Variants in CNTN4 observed in about 807,000 individuals in gnomAD.
CNTN4 encodes the protein contactin-4.
In CNTN4, 77 loss-of-function variants were observed where a neutral mutation model predicts 122.5. The ratio of observed to expected loss-of-function variants is 0.63; its 90% confidence interval spans 0.52 to 0.76. The LOEUF (loss-of-function observed/expected upper bound fraction) is 0.76, where lower values mean the gene tolerates loss of function less well. CNTN4 is among the 30% of genes least tolerant of loss of function. The probability of loss-of-function intolerance (pLI) is 0.00; values close to 1 mark genes in which losing one functional copy is unlikely to be tolerated. For missense variants in CNTN4, 1,256 were observed against 1,259.1 expected (o/e 1.00, Z 0.04); for synonymous variants, 512 against 447.0 (o/e 1.15, Z -1.83).
At chr3:2,192,868 C>T (rs73807015) in intron 2 of CNTN4, among the ~76,000 whole-genome samples, 4,399 of 152,128 alleles carry the variant, frequency 0.029, 234 homozygotes, top group African/African-American at 0.1. Context: ...TTGTCATGGG[C>T]GACATGGTGT....
At chr3:2,765,311 C>G (rs1417306432) in intron 6 of CNTN4, among the ~76,000 whole-genome samples, 1 of 152,144 alleles carries the variant, frequency 6.6e-6, no homozygotes, top group Non-Finnish European at 1.5e-5. Flanking sequence ...AAGATGCTAA[C>G]GAAGTCAGGA....
chr3:2,729,908 C>A (rs1026019737), intron 4 of CNTN4, among the ~76,000 whole-genome samples: 4 of 152,072 alleles, frequency 2.6e-5, no homozygotes, highest in Admixed American at 2.0e-4. Context: ...AGGGAGACCC[C>A]ATCTCAAAAA....
At chr3:2,629,694 G>C (rs2150021482) in intron 4 of CNTN4, 1 of 324,880 alleles carries the variant, frequency 3.1e-6, no homozygotes, top group Admixed American at 4.1e-5. Context: ...CATCTCTCTA[G>C]CTTTTGTCAT....
chr3:2,981,943 C>T (rs1349632058), intron 13 of CNTN4, among the ~76,000 whole-genome samples: 1 of 151,898 alleles, frequency 6.6e-6, no homozygotes, highest in Non-Finnish European at 1.5e-5. Context: ...GAGGCTGAGG[C>T]GAGAGAATCG....
At chr3:2,467,681 T>C (rs939276936) in intron 3 of CNTN4, among the ~76,000 whole-genome samples, 3 of 152,074 alleles carry the variant, frequency 2.0e-5, no homozygotes, top group African/African-American at 7.2e-5. Flanking sequence ...TAATAACTTA[T>C]TATTATCAGT....
intron 8 of CNTN4, among the ~76,000 whole-genome samples, chr3:2,877,526 T>C (rs1269926786): frequency 1.3e-5 from 2 of 152,246 alleles, no homozygotes; most frequent in South Asian, 2.1e-4. Context: ...AGGCAAATCA[T>C]GTATTTCATA....
chr3:2,991,556 C>T (rs1473633369), intron 14 of CNTN4, among the ~76,000 whole-genome samples: 2 of 152,056 alleles, frequency 1.3e-5, no homozygotes, highest in Non-Finnish European at 2.9e-5. Context: ...CATTTATCTC[C>T]CAGTGTGGTT....
intron 2 of CNTN4, among the ~76,000 whole-genome samples, chr3:2,135,828 AT>A (rs1381291711): frequency 2.0e-5 from 3 of 152,198 alleles, no homozygotes; most frequent in Non-Finnish European, 4.4e-5. Context: ...TCTACAGCGA[AT>A]TGGAGAGACT....
At chr3:2,531,643 A>G (rs1350150624) in intron 3 of CNTN4, among the ~76,000 whole-genome samples, 1 of 152,154 alleles carries the variant, frequency 6.6e-6, no homozygotes, top group Non-Finnish European at 1.5e-5. Flanking sequence ...ATTCCATTAA[A>G]CAGAAAGTAG....
intron 4 of CNTN4, among the ~76,000 whole-genome samples, chr3:2,731,674 T>C (rs1344777978): frequency 6.6e-6 from 1 of 152,210 alleles, no homozygotes; most frequent in African/African-American, 2.4e-5. Context: ...TGCCCCTAAT[T>C]TCTCCAAGGC....
intron 2 of CNTN4, among the ~76,000 whole-genome samples, chr3:2,204,307 A>C (rs1439555448): frequency 2.6e-5 from 4 of 152,132 alleles, no homozygotes; most frequent in Admixed American, 6.6e-5. Flanking sequence ...AATACCTTCA[A>C]CTCTTAACAA....
chr3:3,047,255 C>A (rs968890676), intron 23 of CNTN4, among the ~76,000 whole-genome samples: 40 of 152,014 alleles, frequency 2.6e-4, no homozygotes, highest in Non-Finnish European at 5.2e-4. Flanking sequence ...AGGAATTGAA[C>A]TCAGCTCTGC....
At chr3:2,405,749 A>G (rs1378019802) in intron 3 of CNTN4, among the ~76,000 whole-genome samples, 1 of 152,134 alleles carries the variant, frequency 6.6e-6, no homozygotes, top group Non-Finnish European at 1.5e-5. Context: ...ATGGCTGGGC[A>G]TGGTGGCACA....
At chr3:2,153,554 C>G (rs1423802222) in intron 2 of CNTN4, among the ~76,000 whole-genome samples, 5 of 152,186 alleles carry the variant, frequency 3.3e-5, no homozygotes, top group African/African-American at 1.2e-4. Flanking sequence ...AGATAGAGAG[C>G]AAAGTAACTT....
At chr3:2,909,191 T>A (rs1344022623) in intron 12 of CNTN4, among the ~76,000 whole-genome samples, 10 of 152,190 alleles carry the variant, frequency 6.6e-5, no homozygotes, top group African/African-American at 2.4e-4. Context: ...GACACATGCC[T>A]TTCTTACCCA....
intron 13 of CNTN4, among the ~76,000 whole-genome samples, chr3:2,944,084 C>G (rs1559699886): frequency 6.6e-6 from 1 of 151,700 alleles, no homozygotes; most frequent in East Asian, 1.9e-4. Context: ...CTCTAATAAC[C>G]TTTACCTGTA....
chr3:2,111,611 A>G (rs1388684476), intron 2 of CNTN4, among the ~76,000 whole-genome samples: 3 of 152,170 alleles, frequency 2.0e-5, no homozygotes, highest in Admixed American at 6.5e-5. Flanking sequence ...AGTGATTCAT[A>G]TCCTGTCTCT....
chr3:2,163,177 A>G (rs2036039268), intron 2 of CNTN4, among the ~76,000 whole-genome samples: 1 of 152,222 alleles, frequency 6.6e-6, no homozygotes, highest in Non-Finnish European at 1.5e-5. Flanking sequence ...GGAACAGAAT[A>G]GGGAACCCAG....
At chr3:3,024,302 G>A (rs1226177361) in intron 14 of CNTN4, among the ~76,000 whole-genome samples, 2 of 145,454 alleles carry the variant, frequency 1.4e-5, no homozygotes, top group Admixed American at 7.0e-5. Context: ...ATTTAAAAAC[G>A]TCAAATGACA....
Sources: gnomAD v4.1 joint callset for allele counts (sites outside exome capture counted in the v4.1 genomes callset) on GRCh38, gnomAD v4.1.1 for gene constraint, MANE v1.5 for transcripts, NCBI Gene and HGNC (gene_info 2026-07-23, HGNC 2026-07-21) for gene names.